The following FSTL5 variants were observed in gnomAD, a reference collection of about 807,000 sequenced individuals.
The protein encoded by FSTL5 is follistatin-related protein 5.
Under a neutral mutation model 89.1 loss-of-function variants are expected in FSTL5, and 62 were observed. The observed-to-expected ratio is 0.70, with a 90% CI of 0.57 to 0.86. The LOEUF is 0.86. Ranked by LOEUF, FSTL5 falls within the 40% of genes least tolerant of loss-of-function variation. FSTL5 has a pLI of 0.00. For missense variants in FSTL5, 1,057 were observed against 1,001.6 expected (o/e 1.06, Z -0.75); for synonymous variants, 383 against 346.2 (o/e 1.11, Z -1.18).
intron 11 of FSTL5, among the ~76,000 whole-genome samples, chr4:161,507,560 A>C (rs1364663834): frequency 6.6e-6 from 1 of 151,842 alleles, no homozygotes; most frequent in Non-Finnish European, 1.5e-5. Flanking sequence ...GTGTTTTAAT[A>C]GGCTCTTTAA....
chr4:161,561,918 T>C (rs1219186709), intron 8 of FSTL5, among the ~76,000 whole-genome samples: 1 of 152,014 alleles, frequency 6.6e-6, no homozygotes, highest in African/African-American at 2.4e-5. Context: ...CTAAGGCACG[T>C]GTTGTAGGTG....
intron 12 of FSTL5, among the ~76,000 whole-genome samples, chr4:161,482,940 G>A (rs765548776): frequency 2.6e-5 from 4 of 152,250 alleles, no homozygotes; most frequent in Admixed American, 6.5e-5. Context: ...AGACATAAGC[G>A]GAAAGTCTGA....
At chr4:161,689,306 G>C (rs1737846137) in intron 6 of FSTL5, among the ~76,000 whole-genome samples, 1 of 152,022 alleles carries the variant, frequency 6.6e-6, no homozygotes, top group African/African-American at 2.4e-5. Context: ...TCTATAGAAA[G>C]GGCTTTTAGT....
chr4:161,604,855 C>A (rs1560975249), intron 7 of FSTL5, among the ~76,000 whole-genome samples: 4 of 152,100 alleles, frequency 2.6e-5, no homozygotes, highest in Admixed American at 2.0e-4. Flanking sequence ...TGGGAGCCTG[C>A]CTAAAAGAAC....
intron 6 of FSTL5, among the ~76,000 whole-genome samples, chr4:161,671,453 C>T (rs886142183): frequency 6.6e-6 from 1 of 152,118 alleles, no homozygotes; most frequent in Non-Finnish European, 1.5e-5. Context: ...CTAAGACCTA[C>T]GGTATGCAAA....
At chr4:162,065,598 A>T (rs1185818814) in intron 2 of FSTL5, among the ~76,000 whole-genome samples, 1 of 152,144 alleles carries the variant, frequency 6.6e-6, no homozygotes, top group East Asian at 1.9e-4. Context: ...AAGAAAAGGT[A>T]TACACCATTG....
At chr4:162,089,646 A>G (rs200140199) in intron 2 of FSTL5, among the ~76,000 whole-genome samples, 10,253 of 136,550 alleles carry the variant, frequency 0.075, 535 homozygotes, top group East Asian at 0.17. Flanking sequence ...AAAAAAAAAA[A>G]AAAAGAAAAA....
At chr4:162,007,466 A>G in intron 3 of FSTL5, among the ~76,000 whole-genome samples, 1 of 151,936 alleles carries the variant, frequency 6.6e-6, no homozygotes, top group Non-Finnish European at 1.5e-5. Context: ...TATGATAAAA[A>G]TATATATAAA....
intron 1 of FSTL5, among the ~76,000 whole-genome samples, chr4:162,132,938 A>G (rs923070990): frequency 6.6e-6 from 1 of 152,130 alleles, no homozygotes; most frequent in East Asian, 1.9e-4. Flanking sequence ...AGTGGTAGTA[A>G]TGTAATTTTT....
At chr4:161,680,988 A>T (rs1420473076) in intron 6 of FSTL5, among the ~76,000 whole-genome samples, 2 of 152,082 alleles carry the variant, frequency 1.3e-5, no homozygotes, top group Non-Finnish European at 2.9e-5. Context: ...TGCAAATGGT[A>T]ATGATGTGAA....
intron 15 of FSTL5, among the ~76,000 whole-genome samples, chr4:161,440,201 T>C (rs1219875572): frequency 6.6e-6 from 1 of 152,114 alleles, no homozygotes; most frequent in Non-Finnish European, 1.5e-5. Flanking sequence ...TCATTAAACA[T>C]GTAAGAGATT....
intron 12 of FSTL5, among the ~76,000 whole-genome samples, chr4:161,482,868 G>T (rs115552753): frequency 5.5e-4 from 84 of 152,282 alleles, no homozygotes; most frequent in African/African-American, 1.9e-3. Flanking sequence ...AGTATTGCAT[G>T]GTTTAGGAAC....
chr4:161,887,392 C>CTATCT (rs1326576858), intron 4 of FSTL5, among the ~76,000 whole-genome samples: 2 of 133,004 alleles, frequency 1.5e-5, no homozygotes, highest in African/African-American at 5.3e-5. Flanking sequence ...CTCTATCTAT[C>CTATCT]ATCTATCTAT....
chr4:161,432,862 T>A (rs906252106), intron 15 of FSTL5, among the ~76,000 whole-genome samples: 1 of 151,860 alleles, frequency 6.6e-6, no homozygotes, highest in Admixed American at 6.6e-5. Flanking sequence ...ATACATACAA[T>A]CTACCAAGAT....
chr4:162,131,759 G>A (rs889012725), intron 1 of FSTL5, among the ~76,000 whole-genome samples: 2 of 152,198 alleles, frequency 1.3e-5, no homozygotes, highest in Non-Finnish European at 2.9e-5. Context: ...GACACTGCTC[G>A]ATGCTAGTTT....
At chr4:162,061,262 T>C (rs1738709420) in intron 2 of FSTL5, among the ~76,000 whole-genome samples, 1 of 152,042 alleles carries the variant, frequency 6.6e-6, no homozygotes, top group African/African-American at 2.4e-5. Context: ...GTCACTTCCC[T>C]ACCAAGCCTT....
intron 10 of FSTL5, among the ~76,000 whole-genome samples, chr4:161,513,359 G>A (rs182313701): frequency 6.6e-6 from 1 of 151,484 alleles, no homozygotes; most frequent in African/African-American, 2.4e-5. Context: ...TTGATGGGTG[G>A]AGGGGAGTAG....
At chr4:161,673,707 A>T (rs923833951) in intron 6 of FSTL5, among the ~76,000 whole-genome samples, 1 of 151,956 alleles carries the variant, frequency 6.6e-6, no homozygotes, top group Non-Finnish European at 1.5e-5. Flanking sequence ...TTTAAGCCTG[A>T]GTTTATTATT....
intron 3 of FSTL5, among the ~76,000 whole-genome samples, chr4:161,990,629 G>A (rs1041567007): frequency 6.6e-6 from 1 of 152,002 alleles, no homozygotes; most frequent in Admixed American, 6.6e-5. Flanking sequence ...ACAAGCAGGT[G>A]TGCAATTAGA....
Sources: allele counts gnomAD v4.1 joint callset (sites outside exome capture counted in the v4.1 genomes callset), GRCh38; gene constraint gnomAD v4.1.1; transcripts MANE v1.5; gene names NCBI Gene and HGNC (gene_info 2026-07-23, HGNC 2026-07-21).